TPD52: variants seen among roughly 807,000 people sequenced by gnomAD.
The protein encoded by TPD52 is tumor protein D52.
Under a neutral mutation model 31.3 loss-of-function variants are expected in TPD52, and 17 were observed. The ratio of observed to expected loss-of-function variants is 0.54; its 90% CI spans 0.37 to 0.82. The LOEUF (loss-of-function observed/expected upper bound fraction) is 0.82, where lower values mean the gene tolerates loss of function less well. Among genes scored for constraint, TPD52 ranks in the 40% least tolerant of loss-of-function variants. TPD52 has a pLI of 0.00. For synonymous variants in TPD52, 83 were observed against 89.6 expected (o/e 0.93, Z 0.42); for missense variants, 212 against 240.1 (o/e 0.88, Z 0.77).
rs184457927 is a variant in TPD52 at position 80,086,052 on chromosome 8, T to A, written c.20-21459A>T. 2.2e-3 allele frequency among the ~76,000 whole-genome samples: 328 copies of A among 150,002 alleles called. 2 individuals carry two copies. The highest frequency in any genetic ancestry group is 7.9e-3 in the African/African-American group (322 of 40,952). On this transcript the variant is annotated intron_variant, in intron 1 of 7. Transcript: ENST00000518937. ...GAATCATGAGGAAACATCAGACAAA[T>A]CCAAAACAAGTTTTTGTTGGGGTTT...
chr8:80,062,045 C>T (rs1321251253), intron 2 of TPD52, among the ~76,000 whole-genome samples: 1 of 152,132 alleles, frequency 6.6e-6, no homozygotes, highest in Non-Finnish European at 1.5e-5. Flanking sequence ...ATGCCAACAG[C>T]ATTTTTGTGT....
At chr8:80,170,774 G>A (rs1233941297) in intron 1 of TPD52, among the ~76,000 whole-genome samples, 1 of 152,144 alleles carries the variant, frequency 6.6e-6, no homozygotes, top group Admixed American at 6.5e-5. Flanking sequence ...GCTGTTTTCA[G>A]AAGCAAGTGC....
chr8:80,163,633 G>A (rs576340558), intron 1 of TPD52, among the ~76,000 whole-genome samples: 1 of 152,262 alleles, frequency 6.6e-6, no homozygotes, highest in African/African-American at 2.4e-5. Flanking sequence ...TTTTTACCAT[G>A]AGAAAAAGAG....
chr8:80,154,835 T>C (rs1254445649), intron 1 of TPD52, among the ~76,000 whole-genome samples: 1 of 152,070 alleles, frequency 6.6e-6, no homozygotes, highest in Non-Finnish European at 1.5e-5. Flanking sequence ...GGGTTTTTTT[T>C]CTATTATTCC....
At chr8:80,107,626 G>A (rs181312849) in intron 1 of TPD52, among the ~76,000 whole-genome samples, 1 of 152,244 alleles carries the variant, frequency 6.6e-6, no homozygotes, top group Non-Finnish European at 1.5e-5. Context: ...TTTTCAGATG[G>A]TATTACTAAA....
At chr8:80,034,146 C>T (rs1267703434), downstream of TPD52, among the ~76,000 whole-genome samples, 1 of 152,166 alleles carries the variant, frequency 6.6e-6, no homozygotes, top group Non-Finnish European at 1.5e-5. Context: ...GACATGTCAG[C>T]ACCACCCTGA....
At chr8:80,070,400 C>A (rs1022198732) in intron 1 of TPD52, among the ~76,000 whole-genome samples, 1 of 152,076 alleles carries the variant, frequency 6.6e-6, no homozygotes, top group Admixed American at 6.5e-5. Flanking sequence ...GTTTTTTGCA[C>A]CAGGGACTGG....
At chr8:80,162,011 G>T (rs892719912) in intron 1 of TPD52, among the ~76,000 whole-genome samples, 1 of 152,092 alleles carries the variant, frequency 6.6e-6, no homozygotes, top group Non-Finnish European at 1.5e-5. Context: ...TTACAAGTGT[G>T]AGCCACCGCA....
intron 1 of TPD52, among the ~76,000 whole-genome samples, chr8:80,116,672 A>G (rs1188183830): frequency 1.3e-5 from 2 of 152,170 alleles, no homozygotes; most frequent in African/African-American, 4.8e-5. Context: ...CCCTGCTACC[A>G]AAATCGGACA....
At chr8:80,052,735 A>C (rs1811493603) in intron 3 of TPD52, 2 of 1,217,258 alleles carry the variant, frequency 1.6e-6, no homozygotes, top group Non-Finnish European at 2.2e-6. Flanking sequence ...GTGTGGTCAA[A>C]AAGACAAAAA....
intron 1 of TPD52, among the ~76,000 whole-genome samples, chr8:80,088,562 C>T (rs961014275): frequency 6.6e-6 from 1 of 152,076 alleles, no homozygotes; most frequent in Non-Finnish European, 1.5e-5. Context: ...TCAGAAAGAT[C>T]ATTCTCACCC....
At chr8:80,154,143 C>T (rs1178538952) in intron 1 of TPD52, among the ~76,000 whole-genome samples, 1 of 152,208 alleles carries the variant, frequency 6.6e-6, no homozygotes, top group East Asian at 1.9e-4. Flanking sequence ...AAAATGAACA[C>T]ACCTTTAAAA....
downstream of TPD52, among the ~76,000 whole-genome samples, chr8:80,031,992 A>G (rs1179371606): frequency 6.6e-6 from 1 of 151,982 alleles, no homozygotes; most frequent in African/African-American, 2.4e-5. Context: ...GTCTCTACTA[A>G]AAATACAAAA....
At chr8:80,143,492 C>T (rs1176308766) in intron 1 of TPD52, among the ~76,000 whole-genome samples, 1 of 152,186 alleles carries the variant, frequency 6.6e-6, no homozygotes, top group Non-Finnish European at 1.5e-5. Flanking sequence ...TGGCAGGAAG[C>T]CACCCACAGT....
At chr8:80,068,520 A>G (rs1467878174) in intron 1 of TPD52, among the ~76,000 whole-genome samples, 1 of 152,240 alleles carries the variant, frequency 6.6e-6, no homozygotes, top group Non-Finnish European at 1.5e-5. Flanking sequence ...TTCTTCCATC[A>G]GGTTATTAAC....
At chr8:80,144,287 G>C (rs1418161993) in intron 1 of TPD52, among the ~76,000 whole-genome samples, 1 of 152,064 alleles carries the variant, frequency 6.6e-6, no homozygotes. Flanking sequence ...ACAAGGCTAG[G>C]ATTTTGCAAT....
intron 1 of TPD52, among the ~76,000 whole-genome samples, chr8:80,083,192 G>GA (rs1815460440): frequency 1.3e-5 from 1 of 79,868 alleles, no homozygotes. Flanking sequence ...AATATACTGT[G>GA]CAAAAAAAAA....
At chr8:80,115,296 T>C (rs1807787735) in intron 1 of TPD52, among the ~76,000 whole-genome samples, 1 of 152,086 alleles carries the variant, frequency 6.6e-6, no homozygotes, top group South Asian at 2.1e-4. Flanking sequence ...TAAAAAACAG[T>C]GACCTGACAA....
At chr8:80,162,788 C>T (rs1483141790) in intron 1 of TPD52, among the ~76,000 whole-genome samples, 1 of 151,990 alleles carries the variant, frequency 6.6e-6, no homozygotes, top group African/African-American at 2.4e-5. Flanking sequence ...AACAGCCTGG[C>T]ACAATGGCTC....
Sources: allele counts gnomAD v4.1 joint callset (sites outside exome capture counted in the v4.1 genomes callset), GRCh38; gene constraint gnomAD v4.1.1; transcripts MANE v1.5; gene names NCBI Gene and HGNC (gene_info 2026-07-23, HGNC 2026-07-21).